PAK3: variants seen among roughly 807,000 people sequenced by gnomAD.
PAK3 encodes the protein p21 (RAC1) activated kinase 3.
A neutral mutation model predicts 41.0 loss-of-function variants in PAK3; 4 were observed. That is an observed-to-expected ratio of 0.10 (90% CI 0.05 to 0.22). The LOEUF is 0.22. PAK3 is among the 10% of genes least tolerant of loss of function. PAK3 has a pLI of 1.00. For missense variants in PAK3, 205 were observed against 409.9 expected (o/e 0.50, Z 4.32); for synonymous variants, 146 against 139.6 (o/e 1.05, Z -0.32).
chrX:111,043,293 C>CAA (rs751253205), intron 1 of PAK3, among the ~76,000 whole-genome samples: 225 of 65,375 alleles, frequency 3.4e-3, no homozygotes, highest in Non-Finnish European at 5.2e-3. Context: ...GACCCTGTCT[C>CAA]AAAAAAAAAA....
At chrX:111,009,250 C>A (rs759314605) in intron 1 of PAK3, among the ~76,000 whole-genome samples, 2 of 111,375 alleles carry the variant, frequency 1.8e-5, no homozygotes, top group African/African-American at 6.5e-5. Context: ...TCTCCTTCCT[C>A]ATTTTTTCAA....
intron 1 of PAK3, among the ~76,000 whole-genome samples, chrX:111,083,474 C>T (rs2092852217): frequency 8.9e-6 from 1 of 112,204 alleles, no homozygotes; most frequent in South Asian, 3.7e-4. Flanking sequence ...CATTCCATAT[C>T]CTCTCTCACT....
intron 10 of PAK3, 64 bp from the exon 11 acceptor site, chrX:111,172,954 T>TTCTC (rs763717339): frequency 5.6e-4 from 325 of 582,557 alleles, no homozygotes; most frequent in Non-Finnish European, 7.9e-4. Flanking sequence ...CAATTTCTAT[T>TTCTC]TCTCTCTCTC....
In PAK3 at chrX:111,221,679, G is replaced by A. The variant is rs907924849; in HGVS notation, c.*1232G>A. 9.0e-6 allele frequency: 1 copy of A among 111,692 alleles called. No individual in the cohort carries two copies. The highest frequency in any genetic ancestry group is 1.9e-5 in the Non-Finnish European group (1 of 53,095). 9.2% of individuals were successfully genotyped at this position (111,692 alleles called of 1,213,427 possible). On this transcript the variant is annotated 3_prime_UTR_variant, in exon 18 of 18. Transcript: ENST00000372007. ...ACATTCAACTCTGTAAGAAATGGGA[G>A]GTCAGTGAAGGCTACATCCCAATCA...
chrX:111,108,970 T>C (rs1021262945), intron 4 of PAK3, among the ~76,000 whole-genome samples: 2 of 112,217 alleles, frequency 1.8e-5, no homozygotes, highest in African/African-American at 3.2e-5. Context: ...TCCATTTCAA[T>C]AGAGGTGTTA....
At chrX:111,006,853 T>C (rs201953812) in intron 1 of PAK3, among the ~76,000 whole-genome samples, 11 of 8,373 alleles carry the variant, frequency 1.3e-3, no homozygotes, top group Admixed American at 4.9e-3. Context: ...TTCTTTCTTT[T>C]TTTTTTTTTT....
chrX:111,112,378 T>A lies in PAK3; in HGVS notation c.-28+9072T>A, dbSNP rs1292046113. Among the ~76,000 whole-genome samples the A allele has an allele frequency of 1.8e-5, 2 of 110,160 alleles. 1 individual carries two copies. Among genetic ancestry groups the A allele is most frequent in the Admixed American group, 2.0e-4 (2 of 10,239 alleles). ...TTCGTCAGGCTCCAGGGAGTCTCTG[T>A]CTCTGTCCTTCTATAGCAACCTTTT... On this transcript the variant is annotated intron_variant, in intron 4 of 17. Coordinates refer to ENST00000372007, the MANE Select transcript of PAK3 (RefSeq NM_002578.5).
upstream of PAK3, among the ~76,000 whole-genome samples, chrX:111,095,193 A>T (rs1447731722): frequency 2.7e-5 from 3 of 112,105 alleles, no homozygotes; most frequent in African/African-American, 9.7e-5. Flanking sequence ...ATTTATCTTT[A>T]TGAAAATAAA....
chrX:111,009,988 G>GA (rs1439404090), intron 1 of PAK3, among the ~76,000 whole-genome samples: 7 of 109,996 alleles, frequency 6.4e-5, no homozygotes, highest in Admixed American at 9.6e-5. Flanking sequence ...ATAATTAACA[G>GA]AAAAAAAAAT....
At chrX:111,090,051 A>T (rs1396550670) in intron 1 of PAK3, among the ~76,000 whole-genome samples, 1 of 110,397 alleles carries the variant, frequency 9.1e-6, no homozygotes, top group Non-Finnish European at 1.9e-5. Flanking sequence ...GAACATCTGG[A>T]GCCCCACGAG....
intron 16 of PAK3, among the ~76,000 whole-genome samples, chrX:111,214,098 G>A (rs2094850256): frequency 8.9e-6 from 1 of 111,793 alleles, no homozygotes; most frequent in African/African-American, 3.3e-5. Flanking sequence ...TTACATGTGG[G>A]TTTTTAAGTG....
At chrX:111,094,854 A>C (rs969564976), upstream of PAK3, among the ~76,000 whole-genome samples, 1 of 109,174 alleles carries the variant, frequency 9.2e-6, no homozygotes, top group Non-Finnish European at 1.9e-5. Context: ...ATGCCCAGTT[A>C]ATTTTTGTAT....
intron 4 of PAK3, among the ~76,000 whole-genome samples, chrX:111,122,721 A>G (rs771806624): frequency 2.7e-5 from 3 of 111,841 alleles, no homozygotes; most frequent in Non-Finnish European, 5.6e-5. Context: ...CCTGACCACT[A>G]CAATCATCAG....
At chrX:111,040,792 C>A (rs375292146) in intron 1 of PAK3, among the ~76,000 whole-genome samples, 1 of 112,266 alleles carries the variant, frequency 8.9e-6, no homozygotes, top group Non-Finnish European at 1.9e-5. Flanking sequence ...AGTCTTTAGC[C>A]CATTATTACA....
At chrX:111,196,704 T>C in intron 16 of PAK3, 64 bp downstream of exon 16, 1 of 826,449 alleles carries the variant, frequency 1.2e-6, no homozygotes, top group Non-Finnish European at 1.8e-6. Context: ...ATATCATTTC[T>C]GGCTTCCACC....
intron 1 of PAK3, among the ~76,000 whole-genome samples, chrX:110,963,095 A>G (rs2091012759): frequency 8.9e-6 from 1 of 112,639 alleles, no homozygotes; most frequent in Non-Finnish European, 1.9e-5. Context: ...CCTGGTCAGC[A>G]TCAGATATGA....
chrX:111,043,894 G>A (rs771402272), intron 1 of PAK3, among the ~76,000 whole-genome samples: 2 of 111,599 alleles, frequency 1.8e-5, no homozygotes, highest in South Asian at 7.6e-4. Context: ...TATTAAAGTT[G>A]AAATTTTCTG....
At chrX:111,167,240 A>G (rs2094269028) in intron 10 of PAK3, among the ~76,000 whole-genome samples, 1 of 111,142 alleles carries the variant, frequency 9.0e-6, no homozygotes, top group East Asian at 2.8e-4. Flanking sequence ...AGTATCTTGG[A>G]CTCAAAGGCC....
At chrX:111,011,869 C>T (rs1218063326) in intron 1 of PAK3, among the ~76,000 whole-genome samples, 2 of 112,490 alleles carry the variant, frequency 1.8e-5, no homozygotes, top group Non-Finnish European at 3.8e-5. Flanking sequence ...GCATCACAGA[C>T]CTCCTAGCAC....
Sources: gnomAD v4.1 joint callset for allele counts (sites outside exome capture counted in the v4.1 genomes callset) on GRCh38, gnomAD v4.1.1 for gene constraint, MANE v1.5 for transcripts, NCBI Gene and HGNC (gene_info 2026-07-23, HGNC 2026-07-21) for gene names.